Variants in AGBL2 observed in about 807,000 individuals in gnomAD.
The protein encoded by AGBL2 is AGBL carboxypeptidase 2.
In AGBL2, 87 loss-of-function variants were observed where a neutral mutation model predicts 103.0. The observed-to-expected ratio is 0.84, with a 90% CI of 0.71 to 1.01. The LOEUF (loss-of-function observed/expected upper bound fraction) is 1.01. Ranked by LOEUF, AGBL2 falls within the 50% of genes least tolerant of loss-of-function variation. The pLI, the probability that AGBL2 is intolerant of heterozygous loss-of-function variation, is 0.00. For missense variants in AGBL2, 904 were observed against 1,023.5 expected, an observed-to-expected ratio of 0.88 and a Z score of 1.59; for synonymous variants, 335 against 356.7, an observed-to-expected ratio of 0.94 and a Z score of 0.69.
chr11:47,702,832 C>T (rs2097504116), intron 7 of AGBL2, among the ~76,000 whole-genome samples: 1 of 151,926 alleles, frequency 6.6e-6, no homozygotes, highest in Non-Finnish European at 1.5e-5. Flanking sequence ...CGAGATGGAG[C>T]CATTGCACTC....
At chr11:47,709,988 C>T (rs770850838) in intron 4 of AGBL2, among the ~76,000 whole-genome samples, 19 of 152,010 alleles carry the variant, frequency 1.2e-4, no homozygotes, top group Non-Finnish European at 2.1e-4. Context: ...CTCCTGGGTT[C>T]AAGTGATCCT....
intron 3 of AGBL2, 116 bp from the exon 4 acceptor site, chr11:47,710,627 A>G: frequency 1.7e-6 from 2 of 1,210,530 alleles, no homozygotes; most frequent in Non-Finnish European, 2.4e-6. Context: ...AGCCCTTTGC[A>G]ATGAATACAC....
chr11:47,679,126 T>C (rs1441287136), intron 13 of AGBL2, among the ~76,000 whole-genome samples: 1 of 76,828 alleles, frequency 1.3e-5, no homozygotes, highest in Non-Finnish European at 2.7e-5. Flanking sequence ...AAAGGAAAGA[T>C]AATTAGTGTT....
chr11:47,672,914 C>T (rs2097361756), intron 14 of AGBL2, among the ~76,000 whole-genome samples: 1 of 152,166 alleles, frequency 6.6e-6, no homozygotes, highest in Non-Finnish European at 1.5e-5. Context: ...CTGAAAGCAG[C>T]TGGGTCATCC....
chr11:47,675,234 G>T (rs1159584296), intron 14 of AGBL2, among the ~76,000 whole-genome samples: 1 of 132,928 alleles, frequency 7.5e-6, no homozygotes, highest in Non-Finnish European at 1.6e-5. Context: ...TCTGAGACAG[G>T]GTCTCACTCT....
chr11:47,674,981 G>A (rs2097369602), intron 14 of AGBL2, among the ~76,000 whole-genome samples: 2 of 152,010 alleles, frequency 1.3e-5, no homozygotes, highest in Non-Finnish European at 2.9e-5. Context: ...TGATCTGCCA[G>A]CCTCGGCCTC....
intron 11 of AGBL2, 123 bp from the exon 12 acceptor site, chr11:47,682,218 C>T: frequency 1.0e-6 from 1 of 982,096 alleles, no homozygotes; most frequent in South Asian, 1.6e-5. Context: ...AAGCATGTTC[C>T]ACAAAATACT....
intron 4 of AGBL2, among the ~76,000 whole-genome samples, chr11:47,709,585 A>T (rs2097531150): frequency 6.6e-6 from 1 of 150,766 alleles, no homozygotes; most frequent in South Asian, 2.1e-4. Flanking sequence ...AAATCAATGT[A>T]TTACTTTTTT....
chr11:47,667,741 T>C (rs977275474), intron 15 of AGBL2, 45 bp from the exon 16 acceptor site: 3 of 1,594,442 alleles, frequency 1.9e-6, no homozygotes, highest in Non-Finnish European at 1.7e-6. Context: ...ATTCCAGAAC[T>C]AGGCCCACCC....
chr11:47,706,254 T>C (rs921342449), intron 4 of AGBL2, among the ~76,000 whole-genome samples: 3 of 152,104 alleles, frequency 2.0e-5, no homozygotes, highest in Non-Finnish European at 2.9e-5. Context: ...CGGTGGCTCA[T>C]GCCTGTAATC....
At position 47,710,658 on chromosome 11, in the gene AGBL2, C is replaced by G. The variant is rs957255554; in HGVS notation, c.98-147G>C. The G allele has an allele frequency of 8.8e-6, 8 of 905,206 alleles. No homozygotes were observed. In the African/African-American group the frequency reaches 1.3e-4, roughly 15 times the overall value. The allele number at this position is 905,206 out of a possible 1,614,324, so 56.1% of individuals were successfully genotyped here. A position where few individuals can be genotyped will look rare whatever the true frequency, so the allele number is the denominator to read the frequency against. Reference sequence around the variant, plus strand: ...TACACTGCATTTTTCAAAGAGCTTTCATATTCCAACTTATGTGAGTGAAGC... The same window carrying G: ...TACACTGCATTTTTCAAAGAGCTTTGATATTCCAACTTATGTGAGTGAAGC... On this transcript the variant is annotated intron_variant, in intron 3 of 18. Transcript: ENST00000525123.
In AGBL2 at chr11:47,692,157, G is replaced by A. The variant is rs2097450028; in HGVS notation, c.794C>T (p.Thr265Ile). The A allele has an allele frequency of 6.2e-7, 1 of 1,613,648 alleles. No individual in the cohort carries two copies. The change falls in exon 9 of 19, where the codon ACT becomes ATT. Residue 265 changes from threonine (T) to isoleucine (I), a missense_variant. Physicochemically the swap from Thr to Ile is moderately conservative, Grantham distance 89 (BLOSUM62 -1). Transcript: ENST00000525123. ...CTCAAACCTTGATTCAAACAGTAGA[G>A]TATTATCTTCTGGTCCTTGCAACGT... ...AVTLQGPEDN[T>I]LLFESRFESG... is the part of the protein sequence containing the mutation.
intron 12 of AGBL2, among the ~76,000 whole-genome samples, chr11:47,681,230 G>C (rs1384506276): frequency 6.6e-6 from 1 of 151,986 alleles, no homozygotes; most frequent in African/African-American, 2.4e-5. Context: ...TACACGACGG[G>C]CTAAGGTGGG....
rs1026565781 is a variant in AGBL2, at chr11:47,710,284, G to C, written c.232+93C>G. ...AAACAGAGGCCAAGGCTGCTCCCTG[G>C]CCTCTCCCATGTTAGAGCAGATTCT... On this transcript the variant is annotated intron_variant, in intron 4 of 18. Coordinates refer to ENST00000525123, the MANE Select transcript of AGBL2 (RefSeq NM_024783.4). 4 of 1,505,080 alleles carry C rather than the reference G, an allele frequency of 2.7e-6. No homozygotes were observed. In the African/African-American group the frequency reaches 4.2e-5, roughly 16 times the overall value. The allele number at this position is 1,505,080 out of a possible 1,614,324, so 93.2% of individuals were successfully genotyped here.
intron 3 of AGBL2, among the ~76,000 whole-genome samples, chr11:47,713,112 G>C (rs2097540209): frequency 1.3e-5 from 2 of 151,710 alleles, no homozygotes; most frequent in Non-Finnish European, 2.9e-5. Flanking sequence ...GGCCTAGGCA[G>C]GTGGATCACC....
chr11:47,686,984 G>T (rs1264889830), intron 10 of AGBL2, among the ~76,000 whole-genome samples: 2 of 109,458 alleles, frequency 1.8e-5, no homozygotes, highest in East Asian at 2.9e-4. Context: ...AAAAAATGGT[G>T]GGGGGAGGGG....
intron 10 of AGBL2, among the ~76,000 whole-genome samples, chr11:47,688,857 T>C (rs1032173050): frequency 6.6e-6 from 1 of 152,118 alleles, no homozygotes; most frequent in Non-Finnish European, 1.5e-5. Context: ...TGACTCGGCC[T>C]CCTGAGTAGC....
chr11:47,674,371 A>C (rs145573887), intron 14 of AGBL2, among the ~76,000 whole-genome samples: 2 of 152,014 alleles, frequency 1.3e-5, no homozygotes, highest in Non-Finnish European at 2.9e-5. Context: ...AGACCAGCCT[A>C]TCCTAGGCAA....
chr11:47,703,290 CA>C, intron 7 of AGBL2, among the ~76,000 whole-genome samples: 1 of 151,626 alleles, frequency 6.6e-6, no homozygotes, highest in South Asian at 2.1e-4. Flanking sequence ...GCCCTCTCTC[CA>C]AAAAATGAAA....
Sources: allele counts gnomAD v4.1 joint callset (sites outside exome capture counted in the v4.1 genomes callset), GRCh38; gene constraint gnomAD v4.1.1; transcripts MANE v1.5; gene names NCBI Gene and HGNC (gene_info 2026-07-23, HGNC 2026-07-21).